Variants in CEBPZOS observed in about 807,000 individuals in gnomAD.
CEBPZOS encodes the protein protein CEBPZOS.
CEBPZOS carries 10 observed loss-of-function variants against 4.8 expected under a neutral mutation model. The observed-to-expected ratio is 2.07, with a 90% CI of 1.28 to 3.52. CEBPZOS has a LOEUF of 3.52. Ranked by LOEUF, CEBPZOS falls within the 30% of genes most tolerant of loss-of-function variation. The probability of loss-of-function intolerance (pLI) is 0.00; values close to 1 mark genes in which losing one functional copy is unlikely to be tolerated. For missense variants in CEBPZOS, 98 were observed against 43.6 expected (o/e 2.25, Z -3.51); for synonymous variants, 25 against 14.2 (o/e 1.77, Z -1.72).
In CEBPZOS at chr2:37,202,947, T is replaced by C; in HGVS notation, c.*1087T>C. The C allele has an allele frequency of 1.3e-6, 2 of 1,590,070 alleles. No homozygotes were observed. Among genetic ancestry groups the C allele is most frequent in the Non-Finnish European group, 1.7e-6 (2 of 1,169,366 alleles). ...GCTTGTTAAAACAGTACATTAGCCT[T>C]ACCTCTTCAGCAGATACAAATAGGC... On this transcript the variant is annotated 3_prime_UTR_variant, in exon 5 of 5. Coordinates refer to ENST00000402297, the MANE Select transcript of CEBPZOS (RefSeq NM_001322374.2).
At chr2:37,199,635 A>G in intron 1 of CEBPZOS, 69 bp from the exon 2 acceptor site, 1 of 677,626 alleles carries the variant, frequency 1.5e-6, no homozygotes, top group South Asian at 1.6e-5. Flanking sequence ...AATTTGAGTT[A>G]TTAGAGAAAT....
downstream of CEBPZOS, chr2:37,209,447 C>A (rs145265976): frequency 1.3e-5 from 2 of 152,086 alleles, no homozygotes; most frequent in Non-Finnish European, 2.9e-5. Flanking sequence ...AAAACAGGCA[C>A]GTAGACCAAT....
At position 37,202,809 on chromosome 2, in the gene CEBPZOS, A is replaced by G; in HGVS notation, c.*949A>G. ...TTGCATTATCTTTGTTAGCCATGGC[A>G]TTCATGCCAATGTTATCAAACTTGG... On this transcript the variant is annotated 3_prime_UTR_variant, in exon 5 of 5. Transcript: ENST00000402297. 1 of 1,593,338 alleles carries G rather than the reference A, an allele frequency of 6.3e-7. No individual in the cohort carries two copies. Among genetic ancestry groups the G allele is most frequent in the Non-Finnish European group, 8.5e-7 (1 of 1,170,388 alleles).
chr2:37,201,597 A>C (rs906502583), intron 3 of CEBPZOS, 45 bp from the exon 4 acceptor site: 1 of 670,910 alleles, frequency 1.5e-6, no homozygotes, highest in South Asian at 1.7e-5. Context: ...AATTTTAACA[A>C]TGCTTCCACA....
chr2:37,212,175 C>A, intron 4 of CEBPZOS: 1 of 977,066 alleles, frequency 1.0e-6, no homozygotes, highest in Non-Finnish European at 1.5e-6. Context: ...TAAATAATAA[C>A]GTGCTTTATA....
At chr2:37,214,833 A>G (rs1268820875), downstream of CEBPZOS, 37 of 1,152,822 alleles carry the variant, frequency 3.2e-5, no homozygotes, top group East Asian at 8.5e-4. Flanking sequence ...TATGAAATCT[A>G]AAAATTTAAA....
chr2:37,198,091 C>G (rs1572476798), intron 1 of CEBPZOS, among the ~76,000 whole-genome samples: 1 of 151,922 alleles, frequency 6.6e-6, no homozygotes. Context: ...ATCCGGCAGG[C>G]GGAGGTTACA....
chr2:37,216,018 G>C, downstream of CEBPZOS: 1 of 607,294 alleles, frequency 1.6e-6, no homozygotes, highest in Non-Finnish European at 2.6e-6. Context: ...TGGGAAAAAA[G>C]ATGGATAATG....
intron 4 of CEBPZOS, chr2:37,212,012 A>C: frequency 6.3e-7 from 1 of 1,592,192 alleles, no homozygotes. Context: ...TGTTATCCTT[A>C]GCTCCTTTTG....
In CEBPZOS at chr2:37,202,693, GAATAAATAAAATAAC is replaced by G; in HGVS notation, c.*834_*848del. On this transcript the variant is annotated 3_prime_UTR_variant, in exon 5 of 5. Transcript: ENST00000402297. ...AAAAAAAAAAAAAAAAAAAAAAAAA[GAATAAATAAAATAAC>G]GAAAATTTCCTATCTTCTGAAGTTC... 1.4e-5 allele frequency: 1 copy of G among 73,646 alleles called. No individual in the cohort carries two copies. The highest frequency in any genetic ancestry group is 2.5e-5 in the Non-Finnish European group (1 of 40,422). 4.6% of individuals were successfully genotyped at this position (73,646 alleles called of 1,614,324 possible).
At chr2:37,204,855 C>T (rs1235489921), downstream of CEBPZOS, 2 of 152,178 alleles carry the variant, frequency 1.3e-5, no homozygotes, top group Non-Finnish European at 2.9e-5. Flanking sequence ...TGAAACAGTA[C>T]TTTACTATTT....
chr2:37,213,861 TA>T, downstream of CEBPZOS: 1 of 1,591,230 alleles, frequency 6.3e-7, no homozygotes, highest in East Asian at 2.3e-5. Context: ...CAAAACAAAT[TA>T]CCAATCAGCT....
downstream of CEBPZOS, among the ~76,000 whole-genome samples, chr2:37,207,916 A>C (rs1010738670): frequency 1.3e-5 from 2 of 152,186 alleles, no homozygotes; most frequent in Non-Finnish European, 1.5e-5. Context: ...ATTAACCAAA[A>C]AAAGAAGAGA....
downstream of CEBPZOS, among the ~76,000 whole-genome samples, chr2:37,206,828 G>A (rs752119299): frequency 8.5e-5 from 13 of 152,130 alleles, no homozygotes; most frequent in Non-Finnish European, 1.3e-4. Flanking sequence ...CAAATACTAC[G>A]TTGGATGTAA....
downstream of CEBPZOS, among the ~76,000 whole-genome samples, chr2:37,206,448 A>G (rs1392184193): frequency 2.0e-5 from 3 of 152,172 alleles, no homozygotes; most frequent in Non-Finnish European, 4.4e-5. Context: ...ACCTCTGCCT[A>G]ATGGGTTCAA....
downstream of CEBPZOS, chr2:37,213,890 T>C: frequency 6.2e-7 from 1 of 1,607,438 alleles, no homozygotes; most frequent in East Asian, 2.2e-5. Flanking sequence ...TTCTTCATCA[T>C]CCACGTCTTC....
downstream of CEBPZOS, among the ~76,000 whole-genome samples, chr2:37,205,513 C>G (rs1380897733): frequency 1.3e-5 from 2 of 152,140 alleles, no homozygotes; most frequent in Non-Finnish European, 2.9e-5. Context: ...TAAAATGGCC[C>G]CACCCCTATC....
intron 4 of CEBPZOS, chr2:37,212,565 G>A: frequency 1.7e-6 from 1 of 571,548 alleles, no homozygotes; most frequent in South Asian, 2.4e-5. Context: ...ACAAACCTGT[G>A]AAATACTGAT....
In CEBPZOS at chr2:37,204,194, C is replaced by A. The variant is rs1677431098; in HGVS notation, c.*2334C>A. On this transcript the variant is annotated 3_prime_UTR_variant, in exon 5 of 5. Transcript: ENST00000402297. Reference sequence around the variant, plus strand: ...AACGAGTAGGCACTTCTGTACTGTACTGGTTTCTTAAAGTTTCTTTTATCC... The same window carrying A: ...AACGAGTAGGCACTTCTGTACTGTAATGGTTTCTTAAAGTTTCTTTTATCC... The A allele has an allele frequency of 1.3e-5, 2 of 151,782 alleles. No individual in the cohort carries two copies. The highest frequency in any genetic ancestry group is 4.2e-4 in the South Asian group (2 of 4,812). The allele number at this position is 151,782 out of a possible 1,614,324, so 9.4% of individuals were successfully genotyped here.
Sources: allele counts gnomAD v4.1 joint callset (sites outside exome capture counted in the v4.1 genomes callset), GRCh38; gene constraint gnomAD v4.1.1; transcripts MANE v1.5; gene names NCBI Gene and HGNC (gene_info 2026-07-23, HGNC 2026-07-21).